FRMPD1: variants seen among roughly 807,000 people sequenced by gnomAD.
FRMPD1 encodes FERM and PDZ domain-containing protein 1.
A neutral mutation model predicts 117.8 loss-of-function variants in FRMPD1; 76 were observed. The observed-to-expected ratio is 0.65, with a 90% CI of 0.54 to 0.78. The LOEUF (loss-of-function observed/expected upper bound fraction) is 0.78. Ranked by LOEUF, FRMPD1 falls within the 30% of genes least tolerant of loss-of-function variation. FRMPD1 has a pLI of 0.00. For missense variants in FRMPD1, 1,786 were observed against 1,964.5 expected (o/e 0.91, Z 1.72); for synonymous variants, 783 against 770.4 (o/e 1.02, Z -0.27).
the FRMPD1 span, among the ~76,000 whole-genome samples, chr9:37,607,910 C>T: frequency 3.3e-5 from 5 of 152,282 alleles, no homozygotes; most frequent in Admixed American, 6.5e-5. Flanking sequence ...AATTAATAGA[C>T]GATAGCAAGA....
chr9:37,733,649 T>C (rs1471470818), intron 11 of FRMPD1, 50 bp downstream of exon 11: 1 of 1,608,574 alleles, frequency 6.2e-7, no homozygotes, highest in East Asian at 2.2e-5. Context: ...TGTGAAACCT[T>C]AGGAAAAACA....
intron 6 of FRMPD1, among the ~76,000 whole-genome samples, chr9:37,720,533 T>C (rs967712129): frequency 2.0e-4 from 31 of 152,108 alleles, no homozygotes; most frequent in African/African-American, 6.5e-4. Context: ...GGCGTGGTGG[T>C]GGGCACCTGT....
At chr9:37,666,755 A>G (rs1055002366) in intron 1 of FRMPD1, among the ~76,000 whole-genome samples, 8 of 152,150 alleles carry the variant, frequency 5.3e-5, no homozygotes, top group Non-Finnish European at 1.0e-4. Flanking sequence ...TGACTTTTCA[A>G]GCTTCTTGAC....
chr9:37,625,918 A>C, the FRMPD1 span, among the ~76,000 whole-genome samples: 1 of 152,242 alleles, frequency 6.6e-6, no homozygotes, highest in African/African-American at 2.4e-5. Flanking sequence ...ATTACCAGGA[A>C]GCTTGTTAAA....
intron 1 of FRMPD1, among the ~76,000 whole-genome samples, chr9:37,682,417 G>C (rs373597706): frequency 6.6e-6 from 1 of 152,208 alleles, no homozygotes; most frequent in Non-Finnish European, 1.5e-5. Flanking sequence ...TTAGGGATGG[G>C]GATCCCTGGA....
the FRMPD1 span, among the ~76,000 whole-genome samples, chr9:37,628,070 G>A: frequency 6.6e-6 from 1 of 152,182 alleles, no homozygotes; most frequent in Non-Finnish European, 1.5e-5. Flanking sequence ...GCAGACCCCA[G>A]TTACTAGTGA....
intron 1 of FRMPD1, among the ~76,000 whole-genome samples, chr9:37,691,665 A>G (rs1299203654): frequency 6.6e-6 from 1 of 152,210 alleles, no homozygotes; most frequent in Non-Finnish European, 1.5e-5. Context: ...GCACTTTGGG[A>G]GGCCAAGGCG....
At chr9:37,735,017 A>G (rs1352916466) in intron 12 of FRMPD1, among the ~76,000 whole-genome samples, 1 of 152,230 alleles carries the variant, frequency 6.6e-6, no homozygotes, top group Non-Finnish European at 1.5e-5. Context: ...CGGGTTACAA[A>G]TAGAGATAAA....
chr9:37,730,632 C>A (rs1486586003), intron 8 of FRMPD1, among the ~76,000 whole-genome samples: 2 of 152,082 alleles, frequency 1.3e-5, no homozygotes, highest in Non-Finnish European at 2.9e-5. Context: ...GGTATGTATA[C>A]TATATTATTA....
intron 1 of FRMPD1, chr9:37,668,476 A>T (rs1457114254): frequency 6.6e-6 from 1 of 152,266 alleles, no homozygotes; most frequent in Non-Finnish European, 1.5e-5. Flanking sequence ...TTATCTTTAA[A>T]AATAGCTGTG....
At position 37,718,009 on chromosome 9, in the gene FRMPD1, T is replaced by C. The variant is rs535320771; in HGVS notation, c.409-1060T>C. On this transcript the variant is annotated intron_variant, in intron 5 of 15. Coordinates refer to ENST00000377765, the MANE Select transcript of FRMPD1 (RefSeq NM_014907.3). ...TCTGCAAACATTATTATTTCCCTGC[T>C]TTTCTACTAATTTTTTTTGTTTTAA... Among the ~76,000 whole-genome samples the C allele has an allele frequency of 2.6e-5, 4 of 152,368 alleles. No individual in the cohort carries two copies. In the East Asian group the frequency reaches 7.7e-4, roughly 29 times the overall value.
chr9:37,681,541 C>T (rs965828436), intron 1 of FRMPD1, among the ~76,000 whole-genome samples: 1 of 152,198 alleles, frequency 6.6e-6, no homozygotes, highest in Admixed American at 6.5e-5. Context: ...TGTGTGAGCC[C>T]ATTATCACTC....
chr9:37,639,225 T>C, the FRMPD1 span, among the ~76,000 whole-genome samples: 1 of 152,174 alleles, frequency 6.6e-6, no homozygotes, highest in Non-Finnish European at 1.5e-5. Flanking sequence ...CCATGTTGGG[T>C]TTTGCACAAA....
chr9:37,678,251 C>CTTTTTTTTTTTT lies in FRMPD1; in HGVS notation c.-4-14370_-4-14359dup, dbSNP rs34040451. ...CTCTTTTCCCCTCTAGTACTTACCACTTTTTTTTTTTTTTTTTTTTTTTTT... is the reference window on the plus strand; with the variant it reads ...CTCTTTTCCCCTCTAGTACTTACCACTTTTTTTTTTTTTTTTTTTTTTTTTTTTTTTTTTTTT... On this transcript the variant is annotated intron_variant, in intron 1 of 15. Transcript: ENST00000377765. Among the ~76,000 whole-genome samples, 18 of 79,844 alleles carry CTTTTTTTTTTTT rather than the reference C, an allele frequency of 2.3e-4. 1 individual carries two copies. The highest frequency in any genetic ancestry group is 6.1e-4 in the South Asian group (1 of 1,642). The allele number at this position is 79,844 out of a possible 152,430, so 52.4% of individuals were successfully genotyped here.
chr9:37,667,718 G>C (rs1266732293), intron 1 of FRMPD1, among the ~76,000 whole-genome samples: 2 of 151,206 alleles, frequency 1.3e-5, no homozygotes, highest in African/African-American at 4.9e-5. Context: ...TTACCCCTGT[G>C]CTTATTTCTT....
rs759742564 is a variant in FRMPD1, at chr9:37,740,080, T to C, written c.1552T>C (p.Tyr518His). 1.3e-6 allele frequency: 2 copies of C among 1,588,912 alleles called. No homozygotes were observed. Among genetic ancestry groups the C allele is most frequent in the Non-Finnish European group, 1.7e-6 (2 of 1,165,586 alleles). ...QAHRVSAEEGYESRACSDSEE... is the reference protein window; with the variant it reads ...QAHRVSAEEGHESRACSDSEE... ...TGTTGCTGTACCCTGTGTTGCAGGC[T>C]ATGAATCCAGGGCCTGCAGTGACTC... Residue 518 changes from tyrosine to histidine, a missense_variant and splice_region_variant, in exon 15 of 16, where the codon TAT becomes CAT. Physicochemically the swap from Tyr to His is moderately conservative, Grantham distance 83. Transcript: ENST00000377765. This position sits in a 1 kb window ranked among gnomAD's most constrained non-coding sequence, Gnocchi z 4.2.
intron 1 of FRMPD1, among the ~76,000 whole-genome samples, chr9:37,656,546 GGTTTATCCACAGCTATTGTA>G (rs1018743004): frequency 2.6e-5 from 4 of 152,080 alleles, no homozygotes; most frequent in Admixed American, 2.0e-4. Flanking sequence ...ATAAAATTTT[GGTTTATCCACAGCTATTGTA>G]GTTGTACTTT....
At chr9:37,675,464 A>ATGG (rs1311644536) in intron 1 of FRMPD1, among the ~76,000 whole-genome samples, 1 of 151,162 alleles carries the variant, frequency 6.6e-6, no homozygotes, top group Non-Finnish European at 1.5e-5. Context: ...AATGTGTGTG[A>ATGG]TGGTGGTGGG....
chr9:37,699,046 T>G (rs1431252779), intron 2 of FRMPD1, among the ~76,000 whole-genome samples: 1 of 151,914 alleles, frequency 6.6e-6, no homozygotes, highest in Non-Finnish European at 1.5e-5. Flanking sequence ...GCCTAATTTT[T>G]GTATTTTTAG....
Sources: gnomAD v4.1 joint callset for allele counts (sites outside exome capture counted in the v4.1 genomes callset) on GRCh38, gnomAD v4.1.1 for gene constraint, Gnocchi (gnomAD v3.1) non-coding constraint, MANE v1.5 for transcripts, NCBI Gene and HGNC (gene_info 2026-07-23, HGNC 2026-07-21) for gene names.